FIG4: variants seen among roughly 807,000 people sequenced by gnomAD.
FIG4 encodes the protein polyphosphoinositide phosphatase.
Under a neutral mutation model 118.6 loss-of-function variants are expected in FIG4, and 112 were observed. The ratio of observed to expected loss-of-function variants is 0.94; its 90% CI spans 0.81 to 1.11. The LOEUF (loss-of-function observed/expected upper bound fraction) is 1.11, where lower values mean the gene tolerates loss of function less well. FIG4 is among the 50% of genes least tolerant of loss of function. The pLI is 0.00. For synonymous variants in FIG4, 369 were observed against 381.2 expected, an observed-to-expected ratio of 0.97 and a Z score of 0.37; for missense variants, 969 against 1,111.7, an observed-to-expected ratio of 0.87 and a Z score of 1.83.
chr6:109,776,321 T>C (rs1777618261), intron 15 of FIG4, among the ~76,000 whole-genome samples: 1 of 152,230 alleles, frequency 6.6e-6, no homozygotes, highest in Non-Finnish European at 1.5e-5. Context: ...TGTGCCTTCT[T>C]TGCCTTCATT....
intron 3 of FIG4, among the ~76,000 whole-genome samples, chr6:109,719,196 G>A (rs967298135): frequency 6.6e-6 from 1 of 152,206 alleles, no homozygotes; most frequent in Non-Finnish European, 1.5e-5. Flanking sequence ...TGGGATTGCA[G>A]ATGTGAGTCA....
intron 22 of FIG4, among the ~76,000 whole-genome samples, chr6:109,800,635 ACT>A (rs35736228): frequency 0.018 from 2,720 of 152,254 alleles, 77 homozygotes; most frequent in East Asian, 0.15. Flanking sequence ...ACTGAAATGC[ACT>A]GACTCTCATC....
Position 109,718,068 on chromosome 6 carries a change from A to C in FIG4, c.289+1500A>C, listed in dbSNP as rs148986194. 2.0e-3 allele frequency among the ~76,000 whole-genome samples: 306 copies of C among 152,244 alleles called. 1 individual carries two copies. The highest frequency in any genetic ancestry group is 3.5e-3 in the Admixed American group (53 of 15,296). On this transcript the variant is annotated intron_variant, in intron 3 of 22. Coordinates refer to ENST00000230124, the MANE Select transcript of FIG4 (RefSeq NM_014845.6). ...AAGCATAGCAGCTTCTGCTTCTAGG[A>C]GGCCCCAGGAAACTTACAATTATGG...
chr6:109,814,111 C>A (rs933233063), intron 22 of FIG4, among the ~76,000 whole-genome samples: 1 of 152,058 alleles, frequency 6.6e-6, no homozygotes, highest in Non-Finnish European at 1.5e-5. Flanking sequence ...TGCATCCTAC[C>A]ATGGGCACAC....
intron 1 of FIG4, among the ~76,000 whole-genome samples, chr6:109,693,832 A>G (rs1480473219): frequency 2.0e-5 from 3 of 151,902 alleles, no homozygotes; most frequent in Admixed American, 6.6e-5. Context: ...TGTCTGCTGC[A>G]TTGAATCACT....
chr6:109,783,034 G>T (rs1254114086), intron 16 of FIG4, among the ~76,000 whole-genome samples: 1 of 152,200 alleles, frequency 6.6e-6, no homozygotes, highest in South Asian at 2.1e-4. Context: ...AACACTGCGT[G>T]TTCTCACTTA....
At chr6:109,697,951 C>A (rs146312342) in intron 1 of FIG4, among the ~76,000 whole-genome samples, 4,175 of 151,578 alleles carry the variant, frequency 0.028, 95 homozygotes, top group East Asian at 0.11. Context: ...TGCAATGGCA[C>A]GATCTCGGCT....
intron 1 of FIG4, among the ~76,000 whole-genome samples, chr6:109,705,136 T>A (rs1465446946): frequency 1.3e-5 from 2 of 152,156 alleles, no homozygotes; most frequent in Non-Finnish European, 2.9e-5. Flanking sequence ...GAGAAAAATT[T>A]AGTGGAGGGA....
chr6:109,756,933 A>C (rs1287050739), intron 10 of FIG4, among the ~76,000 whole-genome samples: 1 of 151,896 alleles, frequency 6.6e-6, no homozygotes, highest in Non-Finnish European at 1.5e-5. Context: ...TCCTTTCTCA[A>C]CTCGTCAAAG....
At chr6:109,787,228 G>A (rs189517406) in intron 18 of FIG4, among the ~76,000 whole-genome samples, 66 of 151,984 alleles carry the variant, frequency 4.3e-4, no homozygotes, top group Non-Finnish European at 8.5e-4. Flanking sequence ...TAAGAAAATC[G>A]AGCAAAGAAA....
intron 22 of FIG4, among the ~76,000 whole-genome samples, chr6:109,805,381 A>T (rs1412082484): frequency 6.6e-6 from 1 of 152,210 alleles, no homozygotes; most frequent in Non-Finnish European, 1.5e-5. Flanking sequence ...TGAAGCTCTA[A>T]AAGAGGATTT....
chr6:109,785,068 T>G lies in FIG4; in HGVS notation c.1948+40T>G. The G allele has an allele frequency of 3.4e-6, 4 of 1,187,194 alleles. No individual in the cohort carries two copies. The East Asian group carries it at 9.3e-5, about 28-fold the overall frequency. 73.5% of individuals were successfully genotyped at this position (1,187,194 alleles called of 1,614,324 possible). A position where few individuals can be genotyped will look rare whatever the true frequency, so the allele number is the denominator to read the frequency against. On this transcript the variant is annotated intron_variant, in intron 17 of 22. Transcript: ENST00000230124. ...GTGTTTTAGTTTTTACACTAACATATTTTGGCATTATACCTTAATGAACTT... is the reference window on the plus strand; with the variant it reads ...GTGTTTTAGTTTTTACACTAACATAGTTTGGCATTATACCTTAATGAACTT...
chr6:109,779,860 G>A (rs1343446295), intron 16 of FIG4, among the ~76,000 whole-genome samples: 1 of 152,224 alleles, frequency 6.6e-6, no homozygotes, highest in African/African-American at 2.4e-5. Flanking sequence ...ATTTCTGCAA[G>A]TGTATGTGGC....
intron 2 of FIG4, among the ~76,000 whole-genome samples, chr6:109,715,405 G>A (rs956109525): frequency 2.6e-5 from 4 of 151,988 alleles, no homozygotes; most frequent in African/African-American, 9.7e-5. Context: ...ACTTGTTTTC[G>A]AAAACACACT....
Position 109,801,018 on chromosome 6 carries a change from A to G in FIG4, c.2546+4167A>G, listed in dbSNP as rs1465438738. On this transcript the variant is annotated intron_variant, in intron 22 of 22. Transcript: ENST00000230124. Reference sequence around the variant, plus strand: ...ATTCGTGCAAGACCAACACGTTCTCATTTTACACTCCTACCAGTTCTTGAG... The same window carrying G: ...ATTCGTGCAAGACCAACACGTTCTCGTTTTACACTCCTACCAGTTCTTGAG... Among the ~76,000 whole-genome samples the G allele has an allele frequency of 5.3e-5, 8 of 152,224 alleles. No individual in the cohort carries two copies. The East Asian group carries it at 5.8e-4, about 11-fold the overall frequency.
chr6:109,741,479 C>G lies in FIG4; in HGVS notation c.811C>G (p.Leu271Val). Residue 271 changes from leucine (L) to valine (V), a missense_variant, in exon 8 of 23, where the codon CTA becomes GTA. By Grantham distance (32) the Leu-to-Val change is conservative. Around this residue, in one of 3 missense-constraint regions of FIG4, gnomAD observed 393 missense variants for 409.4 expected, o/e 0.96. Transcript: ENST00000230124. The part of the protein sequence containing the change: ...LIYGRPVYVT[L>V]IARRSSKFAG... ...CTATGGACGACCAGTGTATGTCACT[C>G]TAATAGCTAGAAGATCCAGTAAATT... is the stretch of plus-strand genomic sequence containing the variant. 6.2e-7 allele frequency: 1 copy of G among 1,613,248 alleles called. No individual in the cohort carries two copies. Among genetic ancestry groups the G allele is most frequent in the South Asian group, 1.1e-5 (1 of 91,076 alleles).
Position 109,825,361 on chromosome 6 carries a change from T to C in FIG4, c.*96T>C, listed in dbSNP as rs1779131257. ...TAACTTATTAAAAGTCCTTTGCGTCTGAAGCCTTTCTCCTTTTCTGTCACT... is the reference window on the plus strand; with the variant it reads ...TAACTTATTAAAAGTCCTTTGCGTCCGAAGCCTTTCTCCTTTTCTGTCACT... On this transcript the variant is annotated 3_prime_UTR_variant, in exon 23 of 23. Coordinates refer to ENST00000230124, the MANE Select transcript of FIG4 (RefSeq NM_014845.6). The C allele has an allele frequency of 1.7e-6, 2 of 1,159,762 alleles. No individual in the cohort carries two copies. Among genetic ancestry groups the C allele is most frequent in the African/African-American group, 3.1e-5 (2 of 65,524 alleles). 71.8% of individuals were successfully genotyped at this position (1,159,762 alleles called of 1,614,324 possible).
At chr6:109,748,744 G>A (rs533077682) in intron 10 of FIG4, among the ~76,000 whole-genome samples, 4 of 152,202 alleles carry the variant, frequency 2.6e-5, no homozygotes, top group South Asian at 2.1e-4. Flanking sequence ...CAAAAGACAC[G>A]TGTTACATGG....
intron 17 of FIG4, among the ~76,000 whole-genome samples, chr6:109,785,313 A>G (rs1006020321): frequency 1.3e-5 from 2 of 152,220 alleles, no homozygotes; most frequent in African/African-American, 2.4e-5. Context: ...AAAATATGAT[A>G]TATCGGCTCA....
Sources: gnomAD v4.1 joint callset for allele counts (sites outside exome capture counted in the v4.1 genomes callset) on GRCh38, gnomAD v4.1.1 for gene constraint, gnomAD v4.1.1 regional missense constraint, MANE v1.5 for transcripts, NCBI Gene and HGNC (gene_info 2026-07-23, HGNC 2026-07-21) for gene names.